Variants in EIF4E3 observed in about 807,000 individuals in gnomAD.
The protein encoded by EIF4E3 is eukaryotic translation initiation factor 4E type 3.
Under a neutral mutation model 31.7 loss-of-function variants are expected in EIF4E3, and 26 were observed. That is an observed-to-expected ratio of 0.82 (90% CI 0.60 to 1.14). The LOEUF is 1.14. Ranked by LOEUF, EIF4E3 falls within the 50% of genes most tolerant of loss-of-function variation. The probability of loss-of-function intolerance (pLI) is 0.00; values close to 1 mark genes in which losing one functional copy is unlikely to be tolerated. For missense variants in EIF4E3, 304 were observed against 270.9 expected, an observed-to-expected ratio of 1.12 and a Z score of -0.86; for synonymous variants, 128 against 107.7, an observed-to-expected ratio of 1.19 and a Z score of -1.17.
intron 2 of EIF4E3, among the ~76,000 whole-genome samples, chr3:71,708,487 T>C (rs576531007): frequency 7.5e-4 from 114 of 152,258 alleles, no homozygotes; most frequent in African/African-American, 2.7e-3. Flanking sequence ...AAGGAAGTAT[T>C]TCCTAGTATG....
chr3:71,729,692 T>C (rs1035902944), upstream of EIF4E3, among the ~76,000 whole-genome samples: 1 of 152,180 alleles, frequency 6.6e-6, no homozygotes, highest in Non-Finnish European at 1.5e-5. Flanking sequence ...TCAATAAATA[T>C]TTGTTGCATA....
chr3:71,663,112 C>T, the EIF4E3 span, among the ~76,000 whole-genome samples: 5 of 152,244 alleles, frequency 3.3e-5, no homozygotes, highest in South Asian at 2.1e-4. Context: ...CCTTGCAAGC[C>T]GCCATCCCCA....
chr3:71,666,739 C>T, the EIF4E3 span, among the ~76,000 whole-genome samples: 3,110 of 152,176 alleles, frequency 0.02, 103 homozygotes, highest in African/African-American at 0.07. Flanking sequence ...GAGTTCAACA[C>T]CAGCCTGGCT....
At chr3:71,688,748 C>A (rs535850458) in intron 6 of EIF4E3, among the ~76,000 whole-genome samples, 1 of 152,310 alleles carries the variant, frequency 6.6e-6, no homozygotes, top group South Asian at 2.1e-4. Flanking sequence ...ATTAAAGTAT[C>A]CCTAAAGAAT....
chr3:71,746,330 T>C (rs557826517), intron 1 of EIF4E3, among the ~76,000 whole-genome samples: 2 of 152,216 alleles, frequency 1.3e-5, no homozygotes, highest in Non-Finnish European at 2.9e-5. Context: ...ATCTAAAAAA[T>C]GATAGCTTTT....
At chr3:71,672,749 G>C (rs2048853793), downstream of EIF4E3, among the ~76,000 whole-genome samples, 1 of 152,154 alleles carries the variant, frequency 6.6e-6, no homozygotes, top group African/African-American at 2.4e-5. Context: ...GTTCTTCTCC[G>C]CAGAGCTGCC....
intron 1 of EIF4E3, among the ~76,000 whole-genome samples, chr3:71,731,370 G>A (rs1488678724): frequency 6.6e-6 from 1 of 152,148 alleles, no homozygotes; most frequent in Non-Finnish European, 1.5e-5. Context: ...CTCCTGAACT[G>A]CTAGTCCCTC....
At chr3:71,697,206 A>G (rs763760787) in intron 3 of EIF4E3, among the ~76,000 whole-genome samples, 5 of 151,998 alleles carry the variant, frequency 3.3e-5, no homozygotes, top group Non-Finnish European at 7.4e-5. Flanking sequence ...TTTTAGAGAC[A>G]GGGTCTCTCT....
At chr3:71,747,804 T>C (rs1354922987) in intron 1 of EIF4E3, among the ~76,000 whole-genome samples, 2 of 152,086 alleles carry the variant, frequency 1.3e-5, no homozygotes, top group African/African-American at 4.8e-5. Flanking sequence ...ATATATGGGG[T>C]GGGGTTGGGG....
upstream of EIF4E3, chr3:71,754,127 C>T (rs2049972619): frequency 2.1e-6 from 3 of 1,443,338 alleles, no homozygotes; most frequent in East Asian, 6.2e-5. The surrounding 1 kb of genome is among the most constrained non-coding windows in gnomAD (Gnocchi z 5.8). Flanking sequence ...CCACGCTCAG[C>T]CTGCTGCTGT....
intron 1 of EIF4E3, 53 bp from the exon 2 acceptor site, chr3:71,710,537 C>G: frequency 2.0e-6 from 3 of 1,516,896 alleles, no homozygotes; most frequent in Non-Finnish European, 2.7e-6. Context: ...AGTCAGTGCT[C>G]ACAAAACAGC....
chr3:71,738,438 G>A (rs531616912), intron 1 of EIF4E3, among the ~76,000 whole-genome samples: 33 of 152,162 alleles, frequency 2.2e-4, no homozygotes, highest in Middle Eastern at 6.8e-3. Flanking sequence ...ACAACAATGT[G>A]GGTAGGTTGA....
Position 71,683,241 on chromosome 3 carries a change from T to G in EIF4E3, c.*1441A>C, listed in dbSNP as rs539931733. The G allele has an allele frequency of 6.6e-6, 1 of 152,182 alleles. No individual in the cohort carries two copies. Among genetic ancestry groups the G allele is most frequent in the African/African-American group, 2.4e-5 (1 of 41,434 alleles). The allele number at this position is 152,182 out of a possible 1,614,324, so 9.4% of individuals were successfully genotyped here. ...ATGGAGAATTTTATCTACAAACACA[T>G]AGTGGAGGCTTAAAGTAGCCTCAAG... On this transcript the variant is annotated 3_prime_UTR_variant, in exon 7 of 7. Coordinates refer to ENST00000425534, the MANE Select transcript of EIF4E3 (RefSeq NM_001134651.2).
chr3:71,715,556 A>AT (rs1487837407), intron 1 of EIF4E3, among the ~76,000 whole-genome samples: 1 of 152,232 alleles, frequency 6.6e-6, no homozygotes, highest in Non-Finnish European at 1.5e-5. Context: ...CTAGTAGAAG[A>AT]TACAGGCAGA....
the EIF4E3 span, among the ~76,000 whole-genome samples, chr3:71,666,896 G>A: frequency 0.019 from 2,933 of 152,048 alleles, 120 homozygotes; most frequent in African/African-American, 0.067. Context: ...CCGAGGTCAC[G>A]CCACTGCACT....
downstream of EIF4E3, among the ~76,000 whole-genome samples, chr3:71,671,806 A>AT (rs10711091): frequency 0.014 from 2,111 of 147,372 alleles, 49 homozygotes; most frequent in African/African-American, 0.045. Flanking sequence ...TAAACCCTCC[A>AT]TTTTTTTTTT....
At position 71,694,910 on chromosome 3, in the gene EIF4E3, A is replaced by G. The variant is rs991039517; in HGVS notation, c.406-969T>C. Among the ~76,000 whole-genome samples, 5 of 152,234 alleles carry G rather than the reference A, an allele frequency of 3.3e-5. No individual in the cohort carries two copies. The East Asian group carries it at 5.8e-4, about 18-fold the overall frequency. On this transcript the variant is annotated intron_variant, in intron 4 of 6. Coordinates refer to ENST00000425534, the MANE Select transcript of EIF4E3 (RefSeq NM_001134651.2). ...GGGCTTAACATTTAAGATCCATGCC[A>G]TAAACAGCTGTGTGTTTGCTACATT...
chr3:71,739,148 A>G (rs2049794982), intron 1 of EIF4E3, among the ~76,000 whole-genome samples: 1 of 151,426 alleles, frequency 6.6e-6, no homozygotes, highest in Admixed American at 6.6e-5. Flanking sequence ...TTACATTACA[A>G]AAGAGGAAAG....
chr3:71,751,702 T>C (rs999389175), intron 1 of EIF4E3, among the ~76,000 whole-genome samples: 1 of 152,228 alleles, frequency 6.6e-6, no homozygotes, highest in African/African-American at 2.4e-5. Context: ...GTTTATAATG[T>C]AGGGCTTCTA....
Sources: gnomAD v4.1 joint callset for allele counts (sites outside exome capture counted in the v4.1 genomes callset) on GRCh38, gnomAD v4.1.1 for gene constraint, Gnocchi (gnomAD v3.1) non-coding constraint, MANE v1.5 for transcripts, NCBI Gene and HGNC (gene_info 2026-07-23, HGNC 2026-07-21) for gene names.